The following TMEFF2 variants were observed in gnomAD, a reference collection of about 807,000 sequenced individuals.
The protein encoded by TMEFF2 is transmembrane protein with EGF like and two follistatin like domains 2.
Under a neutral mutation model 53.8 loss-of-function variants are expected in TMEFF2, and 28 were observed. The ratio of observed to expected loss-of-function variants is 0.52; its 90% CI spans 0.39 to 0.71. TMEFF2 has a LOEUF of 0.71. Among genes scored for constraint, TMEFF2 ranks in the 30% least tolerant of loss-of-function variants. The pLI, the probability that TMEFF2 is intolerant of heterozygous loss-of-function variation, is 0.00. For synonymous variants in TMEFF2, 162 were observed against 166.3 expected, an observed-to-expected ratio of 0.97 and a Z score of 0.20; for missense variants, 353 against 455.2, an observed-to-expected ratio of 0.78 and a Z score of 2.04.
At chr2:192,007,720 C>T (rs1178715893) in intron 5 of TMEFF2, among the ~76,000 whole-genome samples, 1 of 152,094 alleles carries the variant, frequency 6.6e-6, no homozygotes, top group Non-Finnish European at 1.5e-5. Flanking sequence ...ATGATGAAAG[C>T]GGTGCTTTAG....
intron 4 of TMEFF2, among the ~76,000 whole-genome samples, chr2:192,073,792 AAAAC>A (rs1314266483): frequency 1.3e-5 from 2 of 151,356 alleles, no homozygotes; most frequent in African/African-American, 4.9e-5. Context: ...AAACAAAAAT[AAAAC>A]AAAATAAGGT....
At chr2:191,964,380 T>TTC (rs1280948044) in intron 7 of TMEFF2, among the ~76,000 whole-genome samples, 743 of 39,396 alleles carry the variant, frequency 0.019, 6 homozygotes, top group Non-Finnish European at 0.026. Flanking sequence ...TTCTCTTTCT[T>TTC]TCTTTCTTTC....
chr2:191,978,735 A>G (rs899893277), intron 7 of TMEFF2, among the ~76,000 whole-genome samples: 1 of 152,196 alleles, frequency 6.6e-6, no homozygotes, highest in Non-Finnish European at 1.5e-5. Context: ...CACCCCTGGT[A>G]GATTGCAGTC....
intron 4 of TMEFF2, among the ~76,000 whole-genome samples, chr2:192,079,379 C>T (rs779565817): frequency 6.6e-6 from 1 of 152,194 alleles, no homozygotes; most frequent in African/African-American, 2.4e-5. Context: ...AATTTTGCTT[C>T]TTCCTCGTTT....
At chr2:191,976,756 T>G (rs1685739236) in intron 7 of TMEFF2, among the ~76,000 whole-genome samples, 1 of 152,170 alleles carries the variant, frequency 6.6e-6, no homozygotes, top group Admixed American at 6.5e-5. Flanking sequence ...AGGCCCAGAC[T>G]CCGGGTGGAA....
At chr2:192,024,240 A>G (rs965807209) in intron 5 of TMEFF2, among the ~76,000 whole-genome samples, 10 of 152,210 alleles carry the variant, frequency 6.6e-5, no homozygotes, top group Non-Finnish European at 1.3e-4. Context: ...TTAAGTCAAC[A>G]CAAGCTGTAT....
chr2:192,134,196 G>A (rs1358317985), intron 4 of TMEFF2, among the ~76,000 whole-genome samples: 3 of 152,096 alleles, frequency 2.0e-5, no homozygotes, highest in African/African-American at 7.2e-5. Context: ...TCTGCTCCCT[G>A]GCTCCTTCAG....
intron 4 of TMEFF2, among the ~76,000 whole-genome samples, chr2:192,168,946 T>C (rs768349728): frequency 1.3e-5 from 2 of 152,082 alleles, no homozygotes; most frequent in South Asian, 2.1e-4. Context: ...CTCTAACTCC[T>C]GGCCTCAAGC....
chr2:192,142,776 AG>A (rs1404318291), intron 4 of TMEFF2, among the ~76,000 whole-genome samples: 2 of 152,192 alleles, frequency 1.3e-5, no homozygotes, highest in Non-Finnish European at 2.9e-5. Context: ...GATCTAACAC[AG>A]TGGACTGCTT....
chr2:192,057,497 T>C (rs912924651), intron 5 of TMEFF2, among the ~76,000 whole-genome samples, 182 bp downstream of exon 5: 3 of 152,208 alleles, frequency 2.0e-5, no homozygotes, highest in Non-Finnish European at 2.9e-5. Flanking sequence ...GATAGCTGCT[T>C]GGCTGGCCCA....
rs1689464436 is a variant in TMEFF2 at position 192,118,268 on chromosome 2, A to G, written c.440-60493T>C. Among the ~76,000 whole-genome samples, 5 of 152,188 alleles carry G rather than the reference A, an allele frequency of 3.3e-5. 1 individual carries two copies. The South Asian group carries it at 1.0e-3, about 32-fold the overall frequency. ...ATGGATATGCCAACAGATGTGTTTG[A>G]TCCTCTTCAATTGACTACCTACAGC... On this transcript the variant is annotated intron_variant, in intron 4 of 9. Coordinates refer to ENST00000272771, the MANE Select transcript of TMEFF2 (RefSeq NM_016192.4).
chr2:192,082,125 A>G (rs1198732853), intron 4 of TMEFF2, among the ~76,000 whole-genome samples: 3 of 151,922 alleles, frequency 2.0e-5, no homozygotes, highest in Non-Finnish European at 4.4e-5. Context: ...TAAAGTTGTC[A>G]TTTTTTGCCA....
At position 192,103,841 on chromosome 2, in the gene TMEFF2, TGA is replaced by T. The variant is rs1045521338; in HGVS notation, c.440-46068_440-46067del. 6.3e-4 allele frequency among the ~76,000 whole-genome samples: 96 copies of T among 151,590 alleles called. 1 individual carries two copies. The highest frequency in any genetic ancestry group is 4.2e-4 in the South Asian group (2 of 4,794). Reference sequence around the variant, plus strand: ...GAGGTGAGGGCATGCTTGGTGTGTTTGAGAGAGTAGAGGGAAAAAGAAAGATA... The same window carrying T: ...GAGGTGAGGGCATGCTTGGTGTGTTTGAGAGTAGAGGGAAAAAGAAAGATA... On this transcript the variant is annotated intron_variant, in intron 4 of 9. Transcript: ENST00000272771.
chr2:192,091,698 TC>T (rs1688794238), intron 4 of TMEFF2, among the ~76,000 whole-genome samples: 1 of 152,118 alleles, frequency 6.6e-6, no homozygotes, highest in South Asian at 2.1e-4. Flanking sequence ...GTTTTTTTTT[TC>T]AAGTGCAATT....
rs777204069 is a variant in TMEFF2, at chr2:192,184,462, C to G, written c.304G>C (p.Val102Leu). The G allele has an allele frequency of 1.9e-6, 3 of 1,613,166 alleles. No individual in the cohort carries two copies. In the South Asian group the frequency reaches 3.3e-5, roughly 18 times the overall value. The change falls in exon 3 of 10, where the codon GTG (valine) becomes CTG (leucine). Residue 102 changes from valine to leucine, a missense_variant. Around this residue, in one of 3 missense-constraint regions of TMEFF2, gnomAD observed 294 missense variants for 397.3 expected, o/e 0.74. Transcript: ENST00000272771. The part of the protein sequence containing the change: ...QFKCNNDYVP[V>L]CGSNGESYQN... Reference sequence around the variant, plus strand: ...TAGCTCTCCCCATTGGAGCCACACACAGGCACATAGTCATTGTTGCACTGG... The same window carrying G: ...TAGCTCTCCCCATTGGAGCCACACAGAGGCACATAGTCATTGTTGCACTGG...
At chr2:192,161,126 A>G (rs1690622300) in intron 4 of TMEFF2, among the ~76,000 whole-genome samples, 1 of 151,992 alleles carries the variant, frequency 6.6e-6, no homozygotes, top group Non-Finnish European at 1.5e-5. Context: ...TCCCGTTTGC[A>G]TACCAGCGTC....
chr2:192,072,528 T>C (rs1221922954), intron 4 of TMEFF2, among the ~76,000 whole-genome samples: 2 of 152,004 alleles, frequency 1.3e-5, no homozygotes, highest in African/African-American at 2.4e-5. Context: ...GCTTTCATTT[T>C]TCCTCAATGC....
chr2:192,155,467 G>T (rs902784518), intron 4 of TMEFF2, among the ~76,000 whole-genome samples: 4 of 151,952 alleles, frequency 2.6e-5, no homozygotes, highest in African/African-American at 9.7e-5. Context: ...AACTGAGACT[G>T]AGGGTGAGAT....
intron 5 of TMEFF2, chr2:192,037,094 CTAAA>C (rs1259828491): frequency 3.9e-5 from 6 of 151,942 alleles, no homozygotes; most frequent in Non-Finnish European, 7.4e-5. Flanking sequence ...ATCGTATGTA[CTAAA>C]TAAATATCTC....
Sources: allele counts gnomAD v4.1 joint callset (sites outside exome capture counted in the v4.1 genomes callset), GRCh38; gene constraint gnomAD v4.1.1; regional missense constraint gnomAD v4.1.1; transcripts MANE v1.5; gene names NCBI Gene and HGNC (gene_info 2026-07-23, HGNC 2026-07-21).